PCDHA3: variants seen among roughly 807,000 people sequenced by gnomAD.
PCDHA3 encodes protocadherin alpha 3.
Under a neutral mutation model 62.2 loss-of-function variants are expected in PCDHA3, and 41 were observed. The observed-to-expected ratio is 0.66, with a 90% CI of 0.51 to 0.86. The LOEUF is 0.86. Among genes scored for constraint, PCDHA3 ranks in the 40% least tolerant of loss-of-function variants. PCDHA3 has a pLI of 0.00. For synonymous variants in PCDHA3, 640 were observed against 555.4 expected (o/e 1.15, Z -2.14); for missense variants, 1,304 against 1,241.2 (o/e 1.05, Z -0.76).
intron 3 of PCDHA3, among the ~76,000 whole-genome samples, chr5:141,006,608 G>A (rs2098279719): frequency 6.6e-6 from 1 of 152,200 alleles, no homozygotes; most frequent in African/African-American, 2.4e-5. Flanking sequence ...GAAGCAGACT[G>A]AATAAGGAGA....
At chr5:141,000,421 ATTT>A (rs34755515) in intron 3 of PCDHA3, among the ~76,000 whole-genome samples, 361 of 27,888 alleles carry the variant, frequency 0.013, no homozygotes, top group East Asian at 0.018. Context: ...ATATATATAT[ATTT>A]TTTTTTTTTT....
intron 1 of PCDHA3, chr5:140,808,076 C>A: frequency 1.9e-6 from 3 of 1,613,940 alleles, no homozygotes; most frequent in Non-Finnish European, 2.5e-6. Context: ...TCACATAGAT[C>A]CAATTACTGG....
intron 1 of PCDHA3, among the ~76,000 whole-genome samples, chr5:140,846,143 A>G (rs1780220723): frequency 6.7e-6 from 1 of 149,736 alleles, no homozygotes; most frequent in African/African-American, 2.4e-5. Context: ...TCCCATATTT[A>G]AAAGTTGCCT....
rs3806841 is a variant in PCDHA3, at chr5:140,855,953, T to C, written c.2394+52362T>C. On this transcript the variant is annotated intron_variant, in intron 1 of 3. Transcript: ENST00000522353. Reference sequence around the variant, plus strand: ...CATTCTGAGATCTCAGCCATTTCGATAAAAAATAGATATAAGAAATAGGAC... The same window carrying C: ...CATTCTGAGATCTCAGCCATTTCGACAAAAAATAGATATAAGAAATAGGAC... 9.7e-5 allele frequency: 134 copies of C among 1,381,096 alleles called. 3 individuals are homozygous for C. In the East Asian group the frequency reaches 3.0e-3, roughly 31 times the overall value. 85.6% of individuals were successfully genotyped at this position (1,381,096 alleles called of 1,614,324 possible).
intron 1 of PCDHA3, among the ~76,000 whole-genome samples, chr5:140,940,236 A>G (rs1487572447): frequency 1.3e-5 from 2 of 152,200 alleles, no homozygotes; most frequent in East Asian, 3.8e-4. Flanking sequence ...TTGGTACATT[A>G]AAGTTACCTC....
intron 1 of PCDHA3, among the ~76,000 whole-genome samples, chr5:140,974,144 A>G (rs868918794): frequency 5.9e-5 from 9 of 152,268 alleles, no homozygotes; most frequent in African/African-American, 1.7e-4. Context: ...CCTGAAAACT[A>G]TACAAGGGTT....
intron 1 of PCDHA3, among the ~76,000 whole-genome samples, chr5:140,941,247 CTTTCTTTCTCTT>C (rs1165264412): frequency 7.0e-5 from 9 of 128,506 alleles, no homozygotes; most frequent in African/African-American, 1.7e-4. Context: ...TTCTTTCTTT[CTTTCTTTCTCTT>C]TCTTTCTTTC....
intron 3 of PCDHA3, among the ~76,000 whole-genome samples, chr5:140,995,545 T>C (rs998594175): frequency 1.3e-5 from 2 of 152,206 alleles, no homozygotes; most frequent in Non-Finnish European, 2.9e-5. Flanking sequence ...TAAGGGGCGA[T>C]CACTGTACTG....
intron 1 of PCDHA3, chr5:140,877,379 TC>T (rs1169435329): frequency 1.9e-6 from 3 of 1,613,950 alleles, no homozygotes. Flanking sequence ...ACGACACGCA[TC>T]CTGGATGAGG....
chr5:140,822,345 T>C, intron 1 of PCDHA3: 1 of 1,614,154 alleles, frequency 6.2e-7, no homozygotes, highest in Non-Finnish European at 8.5e-7. Flanking sequence ...AAACGAACTT[T>C]TTAGAGCTGG....
chr5:140,873,181 T>C (rs2153284921), intron 1 of PCDHA3, among the ~76,000 whole-genome samples: 1 of 152,304 alleles, frequency 6.6e-6, no homozygotes, highest in African/African-American at 2.4e-5. Flanking sequence ...TGTATCATAA[T>C]ATTCATTGGC....
At chr5:140,875,995 A>AATGAGAATTTTG (rs1554168162) in intron 1 of PCDHA3, 7 of 1,613,958 alleles carry the variant, frequency 4.3e-6, no homozygotes, top group Non-Finnish European at 5.9e-6. Context: ...GTTAAGTCTA[A>AATGAGAATTTTG]ATGAGAATTT....
At chr5:141,006,299 C>T (rs2098266808) in intron 3 of PCDHA3, among the ~76,000 whole-genome samples, 1 of 152,064 alleles carries the variant, frequency 6.6e-6, no homozygotes, top group Non-Finnish European at 1.5e-5. Flanking sequence ...GCAAGCTCCA[C>T]TTCCCGGGTT....
At chr5:140,838,415 C>T (rs950312767) in intron 1 of PCDHA3, among the ~76,000 whole-genome samples, 1 of 151,548 alleles carries the variant, frequency 6.6e-6, no homozygotes, top group African/African-American at 2.4e-5. Flanking sequence ...TGAGCCACCG[C>T]ATCCGGCCTA....
At chr5:140,987,544 A>G (rs1316604535) in intron 3 of PCDHA3, among the ~76,000 whole-genome samples, 1 of 152,180 alleles carries the variant, frequency 6.6e-6, no homozygotes, top group Non-Finnish European at 1.5e-5. Context: ...CCATTACTTA[A>G]CTTTCCTGAT....
intron 1 of PCDHA3, among the ~76,000 whole-genome samples, chr5:140,910,407 C>T (rs781871391): frequency 6.6e-6 from 1 of 152,134 alleles, no homozygotes; most frequent in Non-Finnish European, 1.5e-5. Context: ...CCTGCCACCT[C>T]GAGATCCAAT....
intron 1 of PCDHA3, chr5:140,823,750 A>T (rs2150128815): frequency 5.0e-6 from 8 of 1,613,666 alleles, no homozygotes; most frequent in Non-Finnish European, 6.8e-6. Context: ...GCCCCCGCTG[A>T]CAGCCACAGC....
chr5:140,824,164 C>T (rs2150132850), intron 1 of PCDHA3: 4 of 1,610,388 alleles, frequency 2.5e-6, no homozygotes, highest in South Asian at 1.1e-5. Flanking sequence ...CTTTCCCTCC[C>T]AATTTTCAAA....
chr5:140,842,961 G>A (rs1778431157), intron 1 of PCDHA3: 1 of 1,594,950 alleles, frequency 6.3e-7, no homozygotes, highest in African/African-American at 1.3e-5. Context: ...CCTCTGGGCA[G>A]CAACGTGACG....
Sources: gnomAD v4.1 joint callset for allele counts (sites outside exome capture counted in the v4.1 genomes callset) on GRCh38, gnomAD v4.1.1 for gene constraint, MANE v1.5 for transcripts, NCBI Gene and HGNC (gene_info 2026-07-23, HGNC 2026-07-21) for gene names.